EVC2: variants seen among roughly 807,000 people sequenced by gnomAD.
EVC2 encodes the protein limbin.
A neutral mutation model predicts 149.3 loss-of-function variants in EVC2; 148 were observed. That is an observed-to-expected ratio of 0.99 (90% CI 0.87 to 1.14). The LOEUF (loss-of-function observed/expected upper bound fraction) is 1.14, where lower values mean the gene tolerates loss of function less well. Ranked by LOEUF, EVC2 falls within the 50% of genes most tolerant of loss-of-function variation. The pLI is 0.00. For synonymous variants in EVC2, 776 were observed against 649.9 expected (o/e 1.19, Z -2.95); for missense variants, 1,854 against 1,627.3 (o/e 1.14, Z -2.40).
rs1425827784 is a variant in EVC2 at position 5,622,906 on chromosome 4, C to T, written c.2132G>A (p.Arg711Lys). The T allele has an allele frequency of 1.9e-6, 3 of 1,614,198 alleles. No homozygotes were observed. Among genetic ancestry groups the T allele is most frequent in the East Asian group, 2.2e-5 (1 of 44,874 alleles). Reference sequence around the variant, plus strand: ...GGCACCGTGCTCCTCCATCAGGCTCCTCTTCTGGTGCAGGTACTGGCCGGC... The same window carrying T: ...GGCACCGTGCTCCTCCATCAGGCTCTTCTTCTGGTGCAGGTACTGGCCGGC... Reference protein sequence around the residue: ...EDAGQYLHQKRSLMEEHGATL... With the variant: ...EDAGQYLHQKKSLMEEHGATL... Residue 711 changes from arginine to lysine, a missense_variant, in exon 14 of 22, where the codon AGG (arginine) becomes AAG (lysine). Transcript: ENST00000344408. This position sits in a 1 kb window ranked among gnomAD's most constrained non-coding sequence, Gnocchi z 5.8.
In EVC2 at chr4:5,697,665, C is replaced by G. The variant is rs1269956308; in HGVS notation, c.229-18G>C. On this transcript the variant is annotated intron_variant, in intron 1 of 21. Transcript: ENST00000344408. The stretch of plus-strand genomic sequence containing the variant: ...GGCAAGTCCTAAAAAATTCAAGACA[C>G]AAAGTCATTAATGGAACACATACTT... 6 of 1,611,222 alleles carry G rather than the reference C, an allele frequency of 3.7e-6. No individual in the cohort carries two copies. Among genetic ancestry groups the G allele is most frequent in the African/African-American group, 1.3e-5 (1 of 74,900 alleles).
rs761592083 is a variant in EVC2, at chr4:5,694,383, C to T, written c.402G>A (p.Trp134Ter). Residue 134 changes from tryptophan (W) to a stop codon, truncating the protein, a stop_gained, in exon 3 of 22, where the codon TGG becomes TGA. Transcript: ENST00000344408. LOFTEE classifies it high-confidence loss of function. ...CTCTTTTAAATAAGTTCTTCTTAGG[C>T]CAGGAGGGTATAAAAGCAAATAAGG... ...AHSLFAFIPS[W>*]PKKNLFKRES... 1 of 1,614,066 alleles carries T rather than the reference C, an allele frequency of 6.2e-7. No individual in the cohort carries two copies. Among genetic ancestry groups the T allele is most frequent in the Non-Finnish European group, 8.5e-7 (1 of 1,179,994 alleles).
At chr4:5,630,994 G>A (rs1163085633) in intron 11 of EVC2, among the ~76,000 whole-genome samples, 1 of 152,194 alleles carries the variant, frequency 6.6e-6, no homozygotes, top group Non-Finnish European at 1.5e-5. Context: ...GTGTGTGCCT[G>A]TGTGTGCATG....
chr4:5,556,870 A>T (rs564865535), intron 21 of EVC2, among the ~76,000 whole-genome samples: 2 of 152,216 alleles, frequency 1.3e-5, no homozygotes, highest in African/African-American at 4.8e-5. Flanking sequence ...AACTACAAAA[A>T]TTCACACAAC....
intron 8 of EVC2, among the ~76,000 whole-genome samples, chr4:5,665,001 G>A (rs577089204): frequency 3.2e-4 from 48 of 150,420 alleles, no homozygotes; most frequent in Non-Finnish European, 6.5e-4. Context: ...GTGGGGTGAC[G>A]GGATGCGTGT....
intron 16 of EVC2, among the ~76,000 whole-genome samples, chr4:5,587,548 T>C (rs1320370454): frequency 6.6e-6 from 1 of 152,366 alleles, no homozygotes; most frequent in Admixed American, 6.5e-5. Context: ...GTAGTTACCA[T>C]TCCCATTGCT....
chr4:5,583,982 ATAAC>A (rs1712040532), intron 17 of EVC2, among the ~76,000 whole-genome samples: 1 of 151,972 alleles, frequency 6.6e-6, no homozygotes, highest in African/African-American at 2.4e-5. Flanking sequence ...CTTAATAAGT[ATAAC>A]TAAGTAAAGA....
At chr4:5,682,859 C>CAA (rs34177761) in intron 6 of EVC2, among the ~76,000 whole-genome samples, 13 of 97,186 alleles carry the variant, frequency 1.3e-4, no homozygotes, top group African/African-American at 3.8e-4. Context: ...AACGCTGTCT[C>CAA]AAAAAAAAAA....
chr4:5,598,722 A>T (rs1330375432), intron 16 of EVC2, among the ~76,000 whole-genome samples: 2 of 152,210 alleles, frequency 1.3e-5, no homozygotes, highest in Admixed American at 1.3e-4. Context: ...GACAAATGGG[A>T]TCTCATTAAA....
intron 9 of EVC2, among the ~76,000 whole-genome samples, chr4:5,662,489 AT>A (rs1718949735): frequency 9.6e-6 from 1 of 104,252 alleles, no homozygotes; most frequent in South Asian, 2.7e-4. Context: ...TAAATATAAT[AT>A]TAATATTAAA....
intron 8 of EVC2, among the ~76,000 whole-genome samples, chr4:5,664,736 T>A (rs1719141526): frequency 6.6e-6 from 1 of 152,112 alleles, no homozygotes; most frequent in South Asian, 2.1e-4. Context: ...ACTAAGCCCA[T>A]CAGGGCCCAG....
Position 5,637,699 on chromosome 4 carries a change from A to G in EVC2, c.1470+2815T>C, listed in dbSNP as rs1716979127. Among the ~76,000 whole-genome samples, 1 of 152,200 alleles carries G rather than the reference A, an allele frequency of 6.6e-6. No individual in the cohort carries two copies. The highest frequency in any genetic ancestry group is 1.5e-5 in the Non-Finnish European group (1 of 68,040). ...TGCTGGCAACTGAGGGCAGGTGTGA[A>G]GGCTGCCTGAGCCATCCCTGTATCT... On this transcript the variant is annotated intron_variant, in intron 10 of 21. Coordinates refer to ENST00000344408, the MANE Select transcript of EVC2 (RefSeq NM_147127.5). This position sits in a 1 kb window ranked among gnomAD's most constrained non-coding sequence, Gnocchi z 4.4.
intron 16 of EVC2, 118 bp from the exon 17 acceptor site, chr4:5,584,968 A>G (rs1712149847): frequency 1.8e-6 from 2 of 1,091,106 alleles, no homozygotes; most frequent in Admixed American, 2.0e-5. Flanking sequence ...CCAAAAGTTT[A>G]CAATGGAGAC....
rs1292926992 is a variant in EVC2 at position 5,657,381 on chromosome 4, A to T, written c.1145+5726T>A. Among the ~76,000 whole-genome samples the T allele has an allele frequency of 6.6e-6, 1 of 152,016 alleles. No homozygotes were observed. The highest frequency in any genetic ancestry group is 1.5e-5 in the Non-Finnish European group (1 of 68,006). On this transcript the variant is annotated intron_variant, in intron 9 of 21. Coordinates refer to ENST00000344408, the MANE Select transcript of EVC2 (RefSeq NM_147127.5). The surrounding 1 kb of genome is among the most constrained non-coding windows in gnomAD (Gnocchi z 4.7). ...TTCCTACCATGACAGATGATGGCCC[A>T]ACTCCTCTCCAGTCCTTCCATCAAA... is the stretch of plus-strand genomic sequence containing the variant.
intron 6 of EVC2, among the ~76,000 whole-genome samples, chr4:5,681,867 G>A (rs879441383): frequency 2.0e-5 from 3 of 152,180 alleles, no homozygotes; most frequent in Non-Finnish European, 4.4e-5. Context: ...GACCCACCGT[G>A]AGAACATACT....
In EVC2 at chr4:5,577,092, G is replaced by A. The variant is rs182829965; in HGVS notation, c.3058-638C>T. ...GTACTTTCCATACGTGAATCTCACT[G>A]AACACTTACAACAATCCTTCAGAAT... is the stretch of plus-strand genomic sequence containing the variant. On this transcript the variant is annotated intron_variant, in intron 17 of 21. Transcript: ENST00000344408. Among the ~76,000 whole-genome samples the A allele has an allele frequency of 3.2e-3, 493 of 152,336 alleles. 2 individuals are homozygous for A. Among genetic ancestry groups the A allele is most frequent in the African/African-American group, 0.011 (470 of 41,556 alleles).
At chr4:5,536,518 C>T in the EVC2 span, among the ~76,000 whole-genome samples, 7 of 152,124 alleles carry the variant, frequency 4.6e-5, no homozygotes, top group South Asian at 2.1e-4. Context: ...GGCGCGGTGG[C>T]TCACACCTGT....
At chr4:5,551,187 T>C (rs1216870242) in intron 21 of EVC2, among the ~76,000 whole-genome samples, 1 of 152,080 alleles carries the variant, frequency 6.6e-6, no homozygotes, top group African/African-American at 2.4e-5. Flanking sequence ...GACCCCAGAA[T>C]GGTAGATCCA....
chr4:5,609,001 A>G (rs939790385), intron 16 of EVC2, among the ~76,000 whole-genome samples: 1 of 151,988 alleles, frequency 6.6e-6, no homozygotes, highest in Non-Finnish European at 1.5e-5. Context: ...TTGGACATCT[A>G]AAGTGCTCCT....
Sources: allele counts gnomAD v4.1 joint callset (sites outside exome capture counted in the v4.1 genomes callset), GRCh38; gene constraint gnomAD v4.1.1; non-coding constraint Gnocchi (gnomAD v3.1); transcripts MANE v1.5; gene names NCBI Gene and HGNC (gene_info 2026-07-23, HGNC 2026-07-21).